NCAPH: variants seen among roughly 807,000 people sequenced by gnomAD.
NCAPH encodes condensin complex subunit 2.
A neutral mutation model predicts 85.5 loss-of-function variants in NCAPH; 38 were observed. The ratio of observed to expected loss-of-function variants is 0.44; its 90% CI spans 0.34 to 0.58. NCAPH has a LOEUF of 0.58. Among genes scored for constraint, NCAPH ranks in the 20% least tolerant of loss-of-function variants. The pLI is 0.01. For synonymous variants in NCAPH, 301 were observed against 335.1 expected (o/e 0.90, Z 1.11); for missense variants, 789 against 916.6 (o/e 0.86, Z 1.80).
At position 96,369,175 on chromosome 2, in the gene NCAPH, G is replaced by C. The variant is rs187664359; in HGVS notation, c.2090+112G>C. ...CTATGACATTTATAGTGGCTGTTCT[G>C]TTTTCTCTCTGTGTTGACAGATAAT... On this transcript the variant is annotated intron_variant, in intron 16 of 17. Transcript: ENST00000240423. 1,074 of 1,140,972 alleles carry C rather than the reference G, an allele frequency of 9.4e-4. 5 individuals are homozygous for C. The highest frequency in any genetic ancestry group is 8.0e-3 in the Middle Eastern group (33 of 4,100). 70.7% of individuals were successfully genotyped at this position (1,140,972 alleles called of 1,614,324 possible).
chr2:96,360,391 A>C (rs1161245403), intron 11 of NCAPH, 142 bp downstream of exon 11: 1 of 812,004 alleles, frequency 1.2e-6, no homozygotes, highest in Non-Finnish European at 1.9e-6. Context: ...ATTAAGAAAT[A>C]GTCCTAAACT....
At chr2:96,351,406 C>T (rs2064439741) in intron 6 of NCAPH, among the ~76,000 whole-genome samples, 2 of 152,206 alleles carry the variant, frequency 1.3e-5, no homozygotes, top group Non-Finnish European at 2.9e-5. Flanking sequence ...CGGTGGTTCA[C>T]AACTGTAGTC....
rs1449788127 is a variant in NCAPH at position 96,365,976 on chromosome 2, A to G, written c.1799A>G (p.Gln600Arg). The change falls in exon 14 of 18, where the codon CAA becomes CGA. Residue 600 changes from glutamine (Q) to arginine (R), a missense_variant. By Grantham distance (43) the Gln-to-Arg change is conservative (BLOSUM62 1). Coordinates refer to ENST00000240423, the MANE Select transcript of NCAPH (RefSeq NM_015341.5). ...PYPCHPPKTA[Q>R]QNGDTPEAQG... The stretch of plus-strand genomic sequence containing the variant: ...CCTTGCCATCCACCTAAGACAGCAC[A>G]ACAGAATGGTGACACTCCAGAAGCC... The G allele has an allele frequency of 3.1e-6, 5 of 1,614,104 alleles. No homozygotes were observed. Among genetic ancestry groups the G allele is most frequent in the Admixed American group, 3.3e-5 (2 of 60,000 alleles).
intron 9 of NCAPH, among the ~76,000 whole-genome samples, chr2:96,358,615 C>A (rs964407599): frequency 6.6e-6 from 1 of 152,138 alleles, no homozygotes; most frequent in Non-Finnish European, 1.5e-5. Context: ...ACTACAGGCG[C>A]CCGCCACCAC....
At position 96,347,278 on chromosome 2, in the gene NCAPH, G is replaced by GTTT. The variant is rs34345809; in HGVS notation, c.720+3063_720+3065dup. 2.5e-3 allele frequency among the ~76,000 whole-genome samples: 345 copies of GTTT among 140,394 alleles called. 2 individuals are homozygous for GTTT. Among genetic ancestry groups the GTTT allele is most frequent in the African/African-American group, 8.0e-3 (304 of 37,940 alleles). 92.1% of individuals were successfully genotyped at this position (140,394 alleles called of 152,430 possible). On this transcript the variant is annotated intron_variant, in intron 6 of 17. Transcript: ENST00000240423. ...CAATTGGAGCAGTGCCCCTCAGCCT[G>GTTT]TTTTTTTTTTTTTTTTATCACTTTT...
At chr2:96,354,915 A>G (rs1245552833) in intron 9 of NCAPH, among the ~76,000 whole-genome samples, 1 of 152,204 alleles carries the variant, frequency 6.6e-6, no homozygotes, top group Non-Finnish European at 1.5e-5. Flanking sequence ...AGCAGAGAGC[A>G]TGCTCCCTTT....
At chr2:96,354,460 T>C in intron 9 of NCAPH, 72 bp downstream of exon 9, 1 of 1,267,210 alleles carries the variant, frequency 7.9e-7, no homozygotes. Context: ...TTCTTTTTTT[T>C]CTAATTAAAA....
At position 96,369,083 on chromosome 2, in the gene NCAPH, G is replaced by T; in HGVS notation, c.2090+20G>T. The stretch of plus-strand genomic sequence containing the variant: ...GAGGAGGTGCGGGCTGGCAGGCATG[G>T]GGGCTTTGTTGGGGCTCACCTCTCT... On this transcript the variant is annotated intron_variant, in intron 16 of 17. Coordinates refer to ENST00000240423, the MANE Select transcript of NCAPH (RefSeq NM_015341.5). The T allele has an allele frequency of 6.4e-7, 1 of 1,552,000 alleles. No individual in the cohort carries two copies. Among genetic ancestry groups the T allele is most frequent in the Non-Finnish European group, 8.7e-7 (1 of 1,147,100 alleles).
At position 96,374,891 on chromosome 2, in the gene NCAPH, G is replaced by C. The variant is rs1178733600; in HGVS notation, c.*1540G>C. Among the ~76,000 whole-genome samples, 2 of 152,072 alleles carry C rather than the reference G, an allele frequency of 1.3e-5. No homozygotes were observed. Among genetic ancestry groups the C allele is most frequent in the Non-Finnish European group, 2.9e-5 (2 of 68,030 alleles). ...TTCTCTATAGTGGGTTCTGGGGGTGGGGGGCTGAATTACCAGTAAAACTAG... is the reference window on the plus strand; with the variant it reads ...TTCTCTATAGTGGGTTCTGGGGGTGCGGGGCTGAATTACCAGTAAAACTAG... On this transcript the variant is annotated 3_prime_UTR_variant, in exon 18 of 18. Transcript: ENST00000240423.
intron 13 of NCAPH, among the ~76,000 whole-genome samples, chr2:96,365,274 G>C (rs1360219816): frequency 6.6e-6 from 1 of 152,168 alleles, no homozygotes; most frequent in African/African-American, 2.4e-5. Context: ...CTTAGGAAGA[G>C]AGTTAGGCTG....
intron 9 of NCAPH, 67 bp from the exon 10 acceptor site, chr2:96,358,976 CAT>C (rs916498250): frequency 6.7e-7 from 1 of 1,485,812 alleles, no homozygotes; most frequent in Non-Finnish European, 9.2e-7. Context: ...CATTTGCGGA[CAT>C]ATGCTTCATA....
chr2:96,370,583 C>T (rs911822218), intron 17 of NCAPH, among the ~76,000 whole-genome samples: 7 of 152,198 alleles, frequency 4.6e-5, no homozygotes, highest in African/African-American at 1.7e-4. Context: ...TCCCAGTGAC[C>T]TACCACTGGA....
At chr2:96,363,196 T>C (rs575080469) in intron 12 of NCAPH, among the ~76,000 whole-genome samples, 2 of 152,336 alleles carry the variant, frequency 1.3e-5, no homozygotes, top group African/African-American at 4.8e-5. Context: ...TTTTTAGCAA[T>C]GAAATATTTT....
intron 3 of NCAPH, 77 bp downstream of exon 3, chr2:96,342,217 A>G: frequency 1.6e-6 from 2 of 1,237,944 alleles, no homozygotes; most frequent in Non-Finnish European, 2.4e-6. Context: ...GTTTCTGTAG[A>G]TAATGCACAA....
Position 96,341,669 on chromosome 2 carries a change from C to T in NCAPH, c.47C>T (p.Ser16Phe), listed in dbSNP as rs149249451. 4.3e-6 allele frequency: 7 copies of T among 1,613,908 alleles called. No homozygotes were observed. The African/African-American group carries it at 8.0e-5, about 18-fold the overall frequency. ...PALPATMNNS[S>F]SETRGHPHSA... ...CTGCCAGCCACAATGAATAACTCTT[C>T]TTCAGAGACGCGAGGACACCCCCAC... The change falls in exon 2 of 18, where the codon TCT becomes TTT. Residue 16 changes from serine (S) to phenylalanine (F), a missense_variant. Ser to Phe is a radical substitution (Grantham distance 155). Transcript: ENST00000240423.
At chr2:96,336,588 C>G (rs1255353731) in intron 1 of NCAPH, among the ~76,000 whole-genome samples, 1 of 152,128 alleles carries the variant, frequency 6.6e-6, no homozygotes, top group Non-Finnish European at 1.5e-5. Flanking sequence ...GTCTGGAGGC[C>G]TTGGGTAAGA....
At chr2:96,343,959 C>G (rs1212787924) in intron 5 of NCAPH, 146 bp from the exon 6 acceptor site, 12 of 1,020,312 alleles carry the variant, frequency 1.2e-5, no homozygotes, top group Non-Finnish European at 1.7e-5. Flanking sequence ...GCCTCAGCCT[C>G]CCAAAGCGCT....
intron 1 of NCAPH, among the ~76,000 whole-genome samples, chr2:96,339,188 A>G (rs1263711989): frequency 6.6e-6 from 1 of 152,190 alleles, no homozygotes; most frequent in Admixed American, 6.5e-5. Flanking sequence ...TCTTTGCTTC[A>G]TTCTTTCTAC....
intron 16 of NCAPH, 40 bp downstream of exon 16, chr2:96,369,103 C>T: frequency 1.3e-6 from 2 of 1,534,938 alleles, no homozygotes; most frequent in Non-Finnish European, 1.8e-6. Flanking sequence ...TGGGGCTCAC[C>T]TCTCTGAGCT....
Sources: allele counts gnomAD v4.1 joint callset (sites outside exome capture counted in the v4.1 genomes callset), GRCh38; gene constraint gnomAD v4.1.1; transcripts MANE v1.5; gene names NCBI Gene and HGNC (gene_info 2026-07-23, HGNC 2026-07-21).